JMJD1C: variants seen among roughly 807,000 people sequenced by gnomAD.
JMJD1C encodes the protein jumonji domain-containing protein 1C.
Under a neutral mutation model 245.3 loss-of-function variants are expected in JMJD1C, and 31 were observed. The observed-to-expected ratio is 0.13, with a 90% CI of 0.09 to 0.17. The LOEUF (loss-of-function observed/expected upper bound fraction) is 0.17, where lower values mean the gene tolerates loss of function less well. Among genes scored for constraint, JMJD1C ranks in the 10% least tolerant of loss-of-function variants. The pLI is 1.00. For synonymous variants in JMJD1C, 1,057 were observed against 1,017.4 expected (o/e 1.04, Z -0.74); for missense variants, 2,691 against 3,000.2 (o/e 0.90, Z 2.41).
chr10:63,350,749 T>C (rs928372596), intron 2 of JMJD1C, among the ~76,000 whole-genome samples: 1 of 151,826 alleles, frequency 6.6e-6, no homozygotes, highest in Non-Finnish European at 1.5e-5. Context: ...CCTGAGTAGC[T>C]AGGACTACAG....
intron 1 of JMJD1C, among the ~76,000 whole-genome samples, chr10:63,475,536 C>T (rs2133166151): frequency 6.6e-6 from 1 of 152,222 alleles, no homozygotes; most frequent in East Asian, 1.9e-4. Context: ...TTCTGAAGGA[C>T]AGACAAGAAA....
At chr10:63,517,863 G>C (rs536708667) in intron 1 of JMJD1C, among the ~76,000 whole-genome samples, 6 of 140,336 alleles carry the variant, frequency 4.3e-5, no homozygotes, top group African/African-American at 1.6e-4. Flanking sequence ...TGCAATCTCA[G>C]CTCAGTGCAA....
intron 1 of JMJD1C, among the ~76,000 whole-genome samples, chr10:63,402,058 T>C (rs1484879898): frequency 6.6e-6 from 1 of 150,436 alleles, no homozygotes; most frequent in Non-Finnish European, 1.5e-5. Context: ...CGCTTGAACC[T>C]GGGAGGCAGA....
At chr10:63,427,964 C>T (rs770520765) in intron 1 of JMJD1C, 7 of 701,066 alleles carry the variant, frequency 1.0e-5, no homozygotes, top group African/African-American at 3.5e-5. Context: ...CAGCTCATTG[C>T]CACCACAGCA....
chr10:63,402,708 G>T (rs999609277), intron 1 of JMJD1C, among the ~76,000 whole-genome samples: 15 of 152,106 alleles, frequency 9.9e-5, no homozygotes, highest in African/African-American at 3.4e-4. Flanking sequence ...TTAGACTTCT[G>T]TTAGATTCTC....
chr10:63,256,756 GCA>G (rs1337599523), intron 3 of JMJD1C, among the ~76,000 whole-genome samples: 1 of 152,058 alleles, frequency 6.6e-6, no homozygotes, highest in African/African-American at 2.4e-5. Flanking sequence ...AATACTTTTG[GCA>G]CAGTATATAT....
At chr10:63,287,712 T>C (rs1042747167) in intron 2 of JMJD1C, among the ~76,000 whole-genome samples, 1 of 152,222 alleles carries the variant, frequency 6.6e-6, no homozygotes, top group South Asian at 2.1e-4. Flanking sequence ...CAAATATTTA[T>C]AAATATGTGT....
intron 2 of JMJD1C, among the ~76,000 whole-genome samples, chr10:63,372,268 T>C (rs551329009): frequency 1.1e-4 from 16 of 152,332 alleles, no homozygotes; most frequent in African/African-American, 1.7e-4. Flanking sequence ...AAAAGCTACA[T>C]TGAGAAAAAG....
chr10:63,509,357 G>C (rs1469535999), intron 1 of JMJD1C, among the ~76,000 whole-genome samples: 1 of 152,224 alleles, frequency 6.6e-6, no homozygotes, highest in South Asian at 2.1e-4. Context: ...CATTATGTTT[G>C]TAAGAGATGT....
intron 1 of JMJD1C, among the ~76,000 whole-genome samples, chr10:63,424,155 G>C (rs1427783266): frequency 6.6e-6 from 1 of 151,916 alleles, no homozygotes; most frequent in East Asian, 1.9e-4. Context: ...TGAAGTGACT[G>C]AAGGTGTAAA....
intron 1 of JMJD1C, among the ~76,000 whole-genome samples, chr10:63,511,086 G>C (rs1216500862): frequency 6.6e-6 from 1 of 152,084 alleles, no homozygotes; most frequent in African/African-American, 2.4e-5. Flanking sequence ...TGGGTTTCTA[G>C]TTGATAACAT....
chr10:63,482,974 T>C (rs1482062009), intron 1 of JMJD1C, among the ~76,000 whole-genome samples: 3 of 152,246 alleles, frequency 2.0e-5, no homozygotes, highest in African/African-American at 7.2e-5. Flanking sequence ...AATTACTATG[T>C]ATGGTTAATC....
chr10:63,401,244 TTCTC>T, intron 1 of JMJD1C, among the ~76,000 whole-genome samples: 1 of 152,292 alleles, frequency 6.6e-6, no homozygotes, highest in Non-Finnish European at 1.5e-5. Context: ...AGATGCACAT[TTCTC>T]TCTAATTCCA....
chr10:63,192,824 A>T (rs1259853553), intron 16 of JMJD1C, 114 bp downstream of exon 16: 2 of 792,670 alleles, frequency 2.5e-6, no homozygotes, highest in African/African-American at 1.7e-5. Flanking sequence ...CAAGAAAAAG[A>T]CCAAAGTAAA....
intron 1 of JMJD1C, among the ~76,000 whole-genome samples, chr10:63,477,724 A>G (rs1011572211): frequency 1.6e-4 from 25 of 152,144 alleles, no homozygotes; most frequent in Admixed American, 4.6e-4. Context: ...TCTCACCTGC[A>G]ACACCAAAAG....
chr10:63,218,003 A>T (rs1848188973), intron 4 of JMJD1C, among the ~76,000 whole-genome samples: 1 of 152,116 alleles, frequency 6.6e-6, no homozygotes, highest in African/African-American at 2.4e-5. Flanking sequence ...GTCACTCTAC[A>T]GAAGAGGATA....
At position 63,361,737 on chromosome 10, in the gene JMJD1C, A is replaced by G. The variant is rs1004336732; in HGVS notation, c.333+18581T>C. ...TCTCAACTAAAAAAAAAAAAAAAAA[A>G]AAAAAAAAAAGAAAAAGAATATCCT... On this transcript the variant is annotated intron_variant, in intron 2 of 25. Transcript: ENST00000399262. 1.3e-4 allele frequency among the ~76,000 whole-genome samples: 19 copies of G among 148,360 alleles called. 1 individual carries two copies. In the South Asian group the frequency reaches 2.7e-3, roughly 21 times the overall value.
At chr10:63,402,940 T>G (rs1948953972) in intron 1 of JMJD1C, among the ~76,000 whole-genome samples, 2 of 152,216 alleles carry the variant, frequency 1.3e-5, no homozygotes, top group African/African-American at 2.4e-5. Flanking sequence ...TAACAACCAC[T>G]TGTCCCTTAC....
At chr10:63,336,444 C>G (rs1321597165) in intron 2 of JMJD1C, among the ~76,000 whole-genome samples, 1 of 152,032 alleles carries the variant, frequency 6.6e-6, no homozygotes, top group African/African-American at 2.4e-5. Context: ...GGCGACAGAG[C>G]AAGACTCTGT....
Sources: gnomAD v4.1 joint callset for allele counts (sites outside exome capture counted in the v4.1 genomes callset) on GRCh38, gnomAD v4.1.1 for gene constraint, MANE v1.5 for transcripts, NCBI Gene and HGNC (gene_info 2026-07-23, HGNC 2026-07-21) for gene names.